Variants in API5 observed in about 807,000 individuals in gnomAD.
The protein encoded by API5 is apoptosis inhibitor 5.
In API5, 6 loss-of-function variants were observed where a neutral mutation model predicts 71.9. The observed-to-expected ratio is 0.08, with a 90% CI of 0.05 to 0.16. The LOEUF (loss-of-function observed/expected upper bound fraction) is 0.16. Among genes scored for constraint, API5 ranks in the 10% least tolerant of loss-of-function variants. The probability of loss-of-function intolerance (pLI) is 1.00; values close to 1 mark genes in which losing one functional copy is unlikely to be tolerated. For missense variants in API5, 332 were observed against 612.8 expected, an observed-to-expected ratio of 0.54 and a Z score of 4.84; for synonymous variants, 189 against 221.3, an observed-to-expected ratio of 0.85 and a Z score of 1.30.
At chr11:43,337,517 T>G (rs1009948857) in intron 13 of API5, among the ~76,000 whole-genome samples, 3 of 152,198 alleles carry the variant, frequency 2.0e-5, no homozygotes, top group Non-Finnish European at 2.9e-5. Flanking sequence ...CACCTTTACT[T>G]TAAGGATGAT....
intron 4 of API5, 118 bp from the exon 5 acceptor site, chr11:43,321,867 A>T (rs760433472): frequency 1.1e-4 from 114 of 1,013,214 alleles, no homozygotes; most frequent in Non-Finnish European, 1.6e-4. Context: ...AGTAATGAGG[A>T]TGATATTTGG....
rs1209311134 is a variant in API5, at chr11:43,336,139, G to A, written c.1492+145G>A. On this transcript the variant is annotated intron_variant, in intron 13 of 13. Transcript: ENST00000531273. Reference sequence around the variant, plus strand: ...AGCTTGGAGAACTAGGGCTGTTGAGGAAATGATTTATCCCATTCCTCTCTC... The same window carrying A: ...AGCTTGGAGAACTAGGGCTGTTGAGAAAATGATTTATCCCATTCCTCTCTC... 2.6e-5 allele frequency: 28 copies of A among 1,086,390 alleles called. No individual in the cohort carries two copies. In the East Asian group the frequency reaches 6.6e-4, roughly 26 times the overall value. The allele number at this position is 1,086,390 out of a possible 1,614,324, so 67.3% of individuals were successfully genotyped here. A position where few individuals can be genotyped will look rare whatever the true frequency, so the allele number is the denominator to read the frequency against.
At chr11:43,315,920 T>C (rs974662567) in intron 1 of API5, among the ~76,000 whole-genome samples, 3 of 152,212 alleles carry the variant, frequency 2.0e-5, no homozygotes, top group Middle Eastern at 3.2e-3. Context: ...AGATACTTAA[T>C]TTTATATTAT....
At chr11:43,332,470 AGC>A (rs1565109930) in intron 11 of API5, among the ~76,000 whole-genome samples, 3 of 152,180 alleles carry the variant, frequency 2.0e-5, no homozygotes. Context: ...AAATTGCTAG[AGC>A]AGCTTATAGA....
chr11:43,327,121 G>T (rs995122819), intron 7 of API5, among the ~76,000 whole-genome samples: 5 of 152,190 alleles, frequency 3.3e-5, no homozygotes, highest in African/African-American at 1.2e-4. Context: ...TTTGAATCAA[G>T]CACCCAATAG....
intron 6 of API5, among the ~76,000 whole-genome samples, chr11:43,325,103 T>C (rs1232873333): frequency 1.3e-5 from 2 of 150,582 alleles, no homozygotes; most frequent in East Asian, 1.9e-4. Context: ...ATGCATATTA[T>C]GAAAGAAAAA....
At chr11:43,325,063 T>C (rs934152841) in intron 6 of API5, among the ~76,000 whole-genome samples, 1 of 151,320 alleles carries the variant, frequency 6.6e-6, no homozygotes, top group Admixed American at 6.6e-5. Flanking sequence ...CAGTAAAGTA[T>C]ATAAGGGGTC....
intron 1 of API5, among the ~76,000 whole-genome samples, chr11:43,314,333 C>G (rs1416367526): frequency 6.6e-6 from 1 of 152,044 alleles, no homozygotes; most frequent in African/African-American, 2.4e-5. Context: ...CCTTTGAAAC[C>G]GTATACATAA....
chr11:43,327,189 T>C (rs1411233336), intron 7 of API5, among the ~76,000 whole-genome samples: 1 of 152,214 alleles, frequency 6.6e-6, no homozygotes, highest in Non-Finnish European at 1.5e-5. Flanking sequence ...TCATGGGTCT[T>C]TGGGATAGAG....
intron 4 of API5, 137 bp downstream of exon 4, chr11:43,321,613 T>G: frequency 1.5e-6 from 1 of 685,278 alleles, no homozygotes; most frequent in Non-Finnish European, 2.3e-6. Context: ...GAAAAAAGTC[T>G]CCTTAGGTCA....
At chr11:43,336,066 A>G in intron 13 of API5, 72 bp downstream of exon 13, 2 of 1,548,842 alleles carry the variant, frequency 1.3e-6, no homozygotes, top group South Asian at 2.4e-5. Context: ...TATTTTAATT[A>G]GTAATTATAT....
At chr11:43,321,592 C>A in intron 4 of API5, 116 bp downstream of exon 4, 1 of 845,654 alleles carries the variant, frequency 1.2e-6, no homozygotes, top group Non-Finnish European at 1.8e-6. Flanking sequence ...CATAAAAATT[C>A]TAAGTATTGT....
chr11:43,316,510 A>G (rs991321810), intron 1 of API5, among the ~76,000 whole-genome samples: 2 of 152,212 alleles, frequency 1.3e-5, no homozygotes, highest in Non-Finnish European at 2.9e-5. Context: ...GTGTCAGAAC[A>G]AACTTTGATT....
intron 13 of API5, among the ~76,000 whole-genome samples, chr11:43,337,297 A>G (rs1053945333): frequency 2.0e-5 from 3 of 152,176 alleles, no homozygotes; most frequent in African/African-American, 7.2e-5. Flanking sequence ...ACTGCACTCC[A>G]GCTGGGTGAC....
At chr11:43,337,365 C>G (rs1280227279) in intron 13 of API5, among the ~76,000 whole-genome samples, 1 of 152,150 alleles carries the variant, frequency 6.6e-6, no homozygotes, top group East Asian at 1.9e-4. Flanking sequence ...CATATAATAT[C>G]TGTAATTTTG....
At chr11:43,319,929 A>G (rs11601450) in intron 2 of API5, among the ~76,000 whole-genome samples, 3,219 of 152,236 alleles carry the variant, frequency 0.021, 68 homozygotes, top group East Asian at 0.11. Context: ...TATAATTAGC[A>G]TGTAAATAGT....
At chr11:43,342,348 G>A in intron 13 of API5, 80 bp from the exon 14 acceptor site, 1 of 1,213,026 alleles carries the variant, frequency 8.2e-7, no homozygotes, top group Non-Finnish European at 1.2e-6. Flanking sequence ...TGTATTCAGA[G>A]TTATGAGCTA....
intron 5 of API5, 42 bp from the exon 6 acceptor site, chr11:43,323,388 A>G (rs1465980968): frequency 6.6e-7 from 1 of 1,525,402 alleles, no homozygotes; most frequent in Non-Finnish European, 9.1e-7. Flanking sequence ...TGTCCCATTC[A>G]AATGATGAAC....
chr11:43,319,677 C>T (rs1854799160), intron 2 of API5, among the ~76,000 whole-genome samples: 1 of 152,126 alleles, frequency 6.6e-6, no homozygotes, highest in Admixed American at 6.5e-5. Context: ...CCTTCTGAAG[C>T]ATTGGGATTA....
Sources: gnomAD v4.1 joint callset for allele counts (sites outside exome capture counted in the v4.1 genomes callset) on GRCh38, gnomAD v4.1.1 for gene constraint, MANE v1.5 for transcripts, NCBI Gene and HGNC (gene_info 2026-07-23, HGNC 2026-07-21) for gene names.